ALLC: variants seen among roughly 807,000 people sequenced by gnomAD.
ALLC encodes probable inactive allantoicase.
ALLC carries 40 observed loss-of-function variants against 45.0 expected under a neutral mutation model. That is an observed-to-expected ratio of 0.89 (90% CI 0.69 to 1.16). ALLC has a LOEUF of 1.16. Among genes scored for constraint, ALLC ranks in the 50% most tolerant of loss-of-function variants. The probability of loss-of-function intolerance (pLI) is 0.00; values close to 1 mark genes in which losing one functional copy is unlikely to be tolerated. For missense variants in ALLC, 488 were observed against 493.1 expected (o/e 0.99, Z 0.10); for synonymous variants, 176 against 178.1 (o/e 0.99, Z 0.09).
intron 10 of ALLC, among the ~76,000 whole-genome samples, chr2:3,699,965 T>TA (rs1667781033): frequency 1.3e-5 from 2 of 152,244 alleles, no homozygotes; most frequent in African/African-American, 4.8e-5. Flanking sequence ...ACTCTGCTGA[T>TA]AGTTTATTTT....
In ALLC at chr2:3,696,054, T is replaced by C. The variant is rs568206373; in HGVS notation, c.667+182T>C. On this transcript the variant is annotated intron_variant, in intron 8 of 11. Transcript: ENST00000252505. ...ACATGAAATAAGTCAACATTACCAATTTTTCTACCTAATTTTGGCCTAAGT... is the reference window on the plus strand; with the variant it reads ...ACATGAAATAAGTCAACATTACCAACTTTTCTACCTAATTTTGGCCTAAGT... 4.6e-5 allele frequency among the ~76,000 whole-genome samples: 7 copies of C among 152,316 alleles called. No homozygotes were observed. In the East Asian group the frequency reaches 7.7e-4, roughly 17 times the overall value.
upstream of ALLC, chr2:3,658,045 C>T (rs1480689448): frequency 6.6e-6 from 1 of 152,478 alleles, no homozygotes; most frequent in East Asian, 1.9e-4. Flanking sequence ...CCATGTCTGG[C>T]TTCGGGCCTT....
chr2:3,657,817 C>A (rs1216373397), upstream of ALLC, among the ~76,000 whole-genome samples: 2 of 151,724 alleles, frequency 1.3e-5, no homozygotes, highest in South Asian at 2.1e-4. Flanking sequence ...CTAGCCAAAC[C>A]CTCCCAAGGG....
chr2:3,672,643 G>T (rs182744901), intron 2 of ALLC, among the ~76,000 whole-genome samples: 7 of 97,486 alleles, frequency 7.2e-5, no homozygotes, highest in African/African-American at 3.1e-4. Context: ...CTGGTTAGAT[G>T]GGAGGTCCTC....
chr2:3,679,812 T>G, intron 4 of ALLC, 57 bp from the exon 5 acceptor site: 2 of 1,604,692 alleles, frequency 1.2e-6, no homozygotes, highest in East Asian at 2.2e-5. Flanking sequence ...CTGCCTCGCA[T>G]GCAGCATCTG....
rs1666636616 is a variant in ALLC at position 3,664,037 on chromosome 2, A to C, written c.-63+5743A>C. Among the ~76,000 whole-genome samples the C allele has an allele frequency of 2.6e-5, 4 of 152,276 alleles. No individual in the cohort carries two copies. In the South Asian group the frequency reaches 8.3e-4, roughly 31 times the overall value. ...ACGTCAGTGCAACCATGGAACACTTAGACACCCACTGCCAGCACCAAACCA... is the reference window on the plus strand; with the variant it reads ...ACGTCAGTGCAACCATGGAACACTTCGACACCCACTGCCAGCACCAAACCA... On this transcript the variant is annotated intron_variant, in intron 1 of 11. Transcript: ENST00000252505.
At chr2:3,668,649 C>T (rs1188036422) in intron 1 of ALLC, among the ~76,000 whole-genome samples, 4 of 138,604 alleles carry the variant, frequency 2.9e-5, no homozygotes, top group African/African-American at 8.2e-5. Context: ...AATCTCGGCT[C>T]ACCGCAAACT....
chr2:3,683,170 G>GTAATTGAT, intron 7 of ALLC, 96 bp downstream of exon 7: 1 of 1,328,110 alleles, frequency 7.5e-7, no homozygotes, highest in South Asian at 1.5e-5. Flanking sequence ...TTCCTTCTTG[G>GTAATTGAT]TAATTGATCT....
chr2:3,660,539 A>AC (rs1553362423), intron 1 of ALLC, among the ~76,000 whole-genome samples: 4 of 150,426 alleles, frequency 2.7e-5, no homozygotes, highest in African/African-American at 9.8e-5. Context: ...TTGAATATCA[A>AC]TTTTTTTTTT....
At position 3,696,293 on chromosome 2, in the gene ALLC, C is replaced by G; in HGVS notation, c.686C>G (p.Ser229Cys). The change falls in exon 9 of 12, where the codon TCT (serine) becomes TGT (cysteine). Residue 229 changes from serine (S) to cysteine (C), a missense_variant. Physicochemically the swap from Ser to Cys is moderately radical, Grantham distance 112 (BLOSUM62 -1). Coordinates refer to ENST00000252505, the MANE Select transcript of ALLC (RefSeq NM_018436.4). ...NNIIGVGGAKSMADGWETARR... is the reference protein window; with the variant it reads ...NNIIGVGGAKCMADGWETARR... Reference sequence around the variant, plus strand: ...TCTGTAGGAGTTGGCGGGGCAAAGTCTATGGCGGATGGTTGGGAAACTGCA... The same window carrying G: ...TCTGTAGGAGTTGGCGGGGCAAAGTGTATGGCGGATGGTTGGGAAACTGCA... The G allele has an allele frequency of 6.2e-7, 1 of 1,613,506 alleles. No individual in the cohort carries two copies. Among genetic ancestry groups the G allele is most frequent in the Non-Finnish European group, 8.5e-7 (1 of 1,179,680 alleles).
chr2:3,670,626 G>A (rs1020456419), intron 1 of ALLC, among the ~76,000 whole-genome samples: 4 of 152,188 alleles, frequency 2.6e-5, no homozygotes, highest in Admixed American at 1.3e-4. Flanking sequence ...GTCAGTGGAC[G>A]TCTGTTCCCG....
the ALLC span, among the ~76,000 whole-genome samples, chr2:3,646,212 C>T: frequency 6.6e-6 from 1 of 152,202 alleles, no homozygotes; most frequent in Non-Finnish European, 1.5e-5. Context: ...AGGGTCCTCC[C>T]TGTAACGGAC....
chr2:3,677,187 C>T (rs1390830993), intron 3 of ALLC, among the ~76,000 whole-genome samples: 3 of 152,158 alleles, frequency 2.0e-5, no homozygotes, highest in Non-Finnish European at 4.4e-5. Context: ...GGTTCAGTAG[C>T]GTGTGTCCCC....
chr2:3,701,714 A>T, intron 11 of ALLC, 78 bp downstream of exon 11: 1 of 1,467,920 alleles, frequency 6.8e-7, no homozygotes, highest in South Asian at 1.4e-5. Flanking sequence ...GGATTAGGAT[A>T]CGCTCCAAAG....
intron 2 of ALLC, among the ~76,000 whole-genome samples, chr2:3,672,788 T>G (rs1240965218): frequency 1.3e-5 from 2 of 152,226 alleles, no homozygotes; most frequent in African/African-American, 4.8e-5. Flanking sequence ...GTCCTCTGGC[T>G]GTAGTTAGAC....
In ALLC at chr2:3,697,408, C is replaced by T. The variant is rs758820544; in HGVS notation, c.802C>T (p.His268Tyr). The T allele has an allele frequency of 2.5e-6, 4 of 1,613,918 alleles. No homozygotes were observed. The East Asian group carries it at 8.9e-5, about 36-fold the overall frequency. Residue 268 changes from histidine to tyrosine, a missense_variant, in exon 10 of 12, where the codon CAT becomes TAT. Physicochemically the swap from His to Tyr is moderately conservative, Grantham distance 83 (BLOSUM62 2). Transcript: ENST00000252505. ...GCEWAVFRLA[H>Y]PGVITRIEID... is the part of the protein sequence containing the mutation. ...TGAATGGGCAGTTTTCCGATTGGCACATCCTGGAGTAATAACTCGAATTGA... is the reference window on the plus strand; with the variant it reads ...TGAATGGGCAGTTTTCCGATTGGCATATCCTGGAGTAATAACTCGAATTGA...
chr2:3,676,444 A>AT (rs1667026821), intron 3 of ALLC, among the ~76,000 whole-genome samples: 1 of 152,020 alleles, frequency 6.6e-6, no homozygotes, highest in Admixed American at 6.5e-5. Context: ...GAATTTTTAA[A>AT]TTTTTTGTAG....
intron 10 of ALLC, among the ~76,000 whole-genome samples, chr2:3,698,434 G>A (rs1259038340): frequency 1.3e-5 from 2 of 152,184 alleles, no homozygotes; most frequent in Non-Finnish European, 2.9e-5. Context: ...TTTTTACAGA[G>A]AAGGGTCCTA....
intron 1 of ALLC, among the ~76,000 whole-genome samples, chr2:3,667,749 G>A (rs987719954): frequency 1.3e-5 from 2 of 152,168 alleles, no homozygotes; most frequent in Non-Finnish European, 2.9e-5. Flanking sequence ...CATCTAATCC[G>A]GAAAGGCAGA....
Sources: allele counts gnomAD v4.1 joint callset (sites outside exome capture counted in the v4.1 genomes callset), GRCh38; gene constraint gnomAD v4.1.1; transcripts MANE v1.5; gene names NCBI Gene and HGNC (gene_info 2026-07-23, HGNC 2026-07-21).